Variants in ELF5 observed in about 807,000 individuals in gnomAD.
ELF5 encodes ETS-related transcription factor Elf-5.
ELF5 carries 31 observed loss-of-function variants against 38.2 expected under a neutral mutation model. That is an observed-to-expected ratio of 0.81 (90% CI 0.61 to 1.10). The LOEUF (loss-of-function observed/expected upper bound fraction) is 1.10. Among genes scored for constraint, ELF5 ranks in the 50% least tolerant of loss-of-function variants. ELF5 has a pLI of 0.00. For missense variants in ELF5, 300 were observed against 306.6 expected (o/e 0.98, Z 0.16); for synonymous variants, 121 against 112.5 (o/e 1.08, Z -0.48).
At chr11:34,490,268 A>G (rs1850130955) in intron 3 of ELF5, among the ~76,000 whole-genome samples, 3 of 152,140 alleles carry the variant, frequency 2.0e-5, no homozygotes, top group African/African-American at 7.2e-5. Context: ...ATTAAAGGTC[A>G]TTTGGAGGGA....
intron 1 of ELF5, among the ~76,000 whole-genome samples, chr11:34,506,538 G>A (rs527419759): frequency 6.6e-6 from 1 of 152,250 alleles, no homozygotes; most frequent in South Asian, 2.1e-4. Context: ...TTTAAAAGAT[G>A]TAATCCTGCT....
intron 1 of ELF5, among the ~76,000 whole-genome samples, chr11:34,508,946 A>T (rs1277084635): frequency 6.6e-6 from 1 of 152,168 alleles, no homozygotes; most frequent in Non-Finnish European, 1.5e-5. Flanking sequence ...CCTCAGTACT[A>T]AGAGGGGCAG....
intron 5 of ELF5, among the ~76,000 whole-genome samples, chr11:34,481,271 G>T (rs1441705074): frequency 2.6e-5 from 4 of 152,054 alleles, no homozygotes; most frequent in African/African-American, 9.7e-5. Flanking sequence ...TGTTGTACCC[G>T]CCTCAGCTTC....
At chr11:34,482,295 C>T (rs1856959446) in intron 5 of ELF5, 136 bp downstream of exon 5, 6 of 776,716 alleles carry the variant, frequency 7.7e-6, no homozygotes, top group Non-Finnish European at 8.6e-6. Flanking sequence ...AAAGCAATCA[C>T]TGATTTCTTT....
chr11:34,485,486 A>G (rs1414266106), intron 4 of ELF5, among the ~76,000 whole-genome samples: 1 of 152,252 alleles, frequency 6.6e-6, no homozygotes. Context: ...TGAATAGACA[A>G]CAAGCGTTCA....
At position 34,489,958 on chromosome 11, in the gene ELF5, A is replaced by G. The variant is rs1334267454; in HGVS notation, c.406+51T>C. ...CCTAAAAGAATGGTCAAGCCCATGTACCAATGACAACCTTGACAGAGCCTT... is the reference window on the plus strand; with the variant it reads ...CCTAAAAGAATGGTCAAGCCCATGTGCCAATGACAACCTTGACAGAGCCTT... On this transcript the variant is annotated intron_variant, in intron 4 of 6. Transcript: ENST00000257832. 7 of 1,597,818 alleles carry G rather than the reference A, an allele frequency of 4.4e-6. No individual in the cohort carries two copies. The Admixed American group carries it at 1.2e-4, about 27-fold the overall frequency.
At chr11:34,484,377 C>CTG (rs1857019249) in intron 4 of ELF5, among the ~76,000 whole-genome samples, 1 of 93,678 alleles carries the variant, frequency 1.1e-5, no homozygotes, top group African/African-American at 6.4e-5. Context: ...ACTAACTATA[C>CTG]TCTACTGTAC....
chr11:34,494,131 G>A (rs1850255385), intron 2 of ELF5, among the ~76,000 whole-genome samples: 1 of 152,210 alleles, frequency 6.6e-6, no homozygotes, highest in Non-Finnish European at 1.5e-5. Flanking sequence ...GGACATTGAA[G>A]TCTCAGTTTC....
intron 4 of ELF5, among the ~76,000 whole-genome samples, chr11:34,485,562 C>T (rs1212949849): frequency 6.6e-6 from 1 of 152,164 alleles, no homozygotes; most frequent in African/African-American, 2.4e-5. Flanking sequence ...ATGATTTCTC[C>T]CATGTTTTGG....
intron 1 of ELF5, among the ~76,000 whole-genome samples, chr11:34,506,521 TG>T (rs1369314527): frequency 8.5e-5 from 13 of 152,054 alleles, no homozygotes; most frequent in Admixed American, 2.0e-4. Context: ...AAAATAAAAT[TG>T]TTTTTTTTAA....
chr11:34,497,744 G>A (rs561419010), intron 2 of ELF5, among the ~76,000 whole-genome samples: 7 of 152,278 alleles, frequency 4.6e-5, no homozygotes, highest in African/African-American at 1.7e-4. Flanking sequence ...GAAATCTCCT[G>A]ATTTCTATTT....
chr11:34,485,041 C>T (rs1363861936), intron 4 of ELF5, among the ~76,000 whole-genome samples: 1 of 152,214 alleles, frequency 6.6e-6, no homozygotes, highest in Non-Finnish European at 1.5e-5. Flanking sequence ...TTCTCCTCCA[C>T]TATCAGCTGA....
At chr11:34,499,884 C>T (rs994662409) in intron 2 of ELF5, among the ~76,000 whole-genome samples, 2 of 152,214 alleles carry the variant, frequency 1.3e-5, no homozygotes, top group Admixed American at 1.3e-4. Flanking sequence ...AATGGATTAG[C>T]TGTGCAACTC....
chr11:34,484,481 A>ATACTATACTAT (rs111444312), intron 4 of ELF5, among the ~76,000 whole-genome samples: 25 of 115,922 alleles, frequency 2.2e-4, no homozygotes, highest in African/African-American at 6.0e-4. Flanking sequence ...ACACTATACT[A>ATACTATACTAT]ACTATACTAT....
At chr11:34,492,174 G>A (rs1388387092) in intron 3 of ELF5, 1 of 152,278 alleles carries the variant, frequency 6.6e-6, no homozygotes, top group Non-Finnish European at 1.5e-5. Context: ...CTTTCAGGGA[G>A]TGCCCACTCT....
At chr11:34,490,140 G>A (rs1445478148) in intron 3 of ELF5, 81 bp from the exon 4 acceptor site, 9 of 1,464,998 alleles carry the variant, frequency 6.1e-6, no homozygotes, top group Non-Finnish European at 6.7e-6. Flanking sequence ...GGGTGTTGGA[G>A]GGAAGTGGAG....
chr11:34,493,091 G>C, intron 3 of ELF5: 1 of 343,710 alleles, frequency 2.9e-6, no homozygotes, highest in Non-Finnish European at 5.3e-6. Flanking sequence ...CTGTAGAAAA[G>C]GGAAGGTAGT....
At chr11:34,496,226 G>C (rs1024628652) in intron 2 of ELF5, among the ~76,000 whole-genome samples, 1 of 152,212 alleles carries the variant, frequency 6.6e-6, no homozygotes, top group Non-Finnish European at 1.5e-5. Context: ...GCTCCTCGGC[G>C]CTCTGCTTTG....
chr11:34,511,233 C>A (rs1850747229), intron 1 of ELF5, among the ~76,000 whole-genome samples: 1 of 152,178 alleles, frequency 6.6e-6, no homozygotes, highest in South Asian at 2.1e-4. Flanking sequence ...ACAGACTGAA[C>A]TTTTAGTGCT....
Sources: allele counts gnomAD v4.1 joint callset (sites outside exome capture counted in the v4.1 genomes callset), GRCh38; gene constraint gnomAD v4.1.1; transcripts MANE v1.5; gene names NCBI Gene and HGNC (gene_info 2026-07-23, HGNC 2026-07-21).